The following ALDH5A1 variants were observed in gnomAD, a reference collection of about 807,000 sequenced individuals.
ALDH5A1 encodes the protein succinate-semialdehyde dehydrogenase, mitochondrial.
A neutral mutation model predicts 54.7 loss-of-function variants in ALDH5A1; 33 were observed. The ratio of observed to expected loss-of-function variants is 0.60; its 90% CI spans 0.46 to 0.81. The LOEUF is 0.81. ALDH5A1 is among the 30% of genes least tolerant of loss of function. ALDH5A1 has a pLI of 0.00. For synonymous variants in ALDH5A1, 294 were observed against 292.7 expected (o/e 1.00, Z -0.05); for missense variants, 657 against 711.0 (o/e 0.92, Z 0.86).
intron 1 of ALDH5A1, 68 bp downstream of exon 1, chr6:24,495,418 C>T (rs1764679209): frequency 2.1e-6 from 3 of 1,452,804 alleles, no homozygotes; most frequent in Non-Finnish European, 2.8e-6. Context: ...GGGGGCTTTA[C>T]CCCAAAGTGA....
intron 1 of ALDH5A1, among the ~76,000 whole-genome samples, chr6:24,499,940 C>T (rs9358769): frequency 0.84 from 127,360 of 151,978 alleles, 54,083 homozygotes; most frequent in Non-Finnish European, 0.92. Flanking sequence ...ATTACAGGCA[C>T]GAGCCACTGC....
chr6:24,496,357 C>T (rs1764704673), intron 1 of ALDH5A1, among the ~76,000 whole-genome samples: 1 of 152,028 alleles, frequency 6.6e-6, no homozygotes, highest in Non-Finnish European at 1.5e-5. Flanking sequence ...ATGCTGAGTG[C>T]AATATGGAAA....
chr6:24,501,578 T>C (rs1033947706), intron 1 of ALDH5A1, among the ~76,000 whole-genome samples: 2 of 147,434 alleles, frequency 1.4e-5, no homozygotes, highest in Admixed American at 1.3e-4. Flanking sequence ...CGTGATGATG[T>C]GTGCCTGTGG....
intron 7 of ALDH5A1, among the ~76,000 whole-genome samples, chr6:24,526,241 A>C (rs1271187187): frequency 6.6e-6 from 1 of 152,178 alleles, no homozygotes; most frequent in African/African-American, 2.4e-5. Flanking sequence ...CTTCATTCAG[A>C]AAGATGAACA....
intron 1 of ALDH5A1, among the ~76,000 whole-genome samples, chr6:24,501,517 C>T (rs1207926297): frequency 6.6e-6 from 1 of 152,130 alleles, no homozygotes; most frequent in Non-Finnish European, 1.5e-5. Flanking sequence ...GCCTGAGTCA[C>T]ATTCTGCTTA....
chr6:24,501,547 G>A (rs954015672), intron 1 of ALDH5A1, among the ~76,000 whole-genome samples: 1 of 151,996 alleles, frequency 6.6e-6, no homozygotes, highest in Non-Finnish European at 1.5e-5. Flanking sequence ...CAGACACAGA[G>A]GAGTTAAAAA....
chr6:24,513,074 CT>C (rs1245646982), intron 4 of ALDH5A1, among the ~76,000 whole-genome samples: 1 of 103,356 alleles, frequency 9.7e-6, no homozygotes, highest in Non-Finnish European at 2.1e-5. Flanking sequence ...ATTATTTTTT[CT>C]ATTTTTTTCT....
At chr6:24,532,287 G>T in intron 9 of ALDH5A1, 110 bp downstream of exon 9, 1 of 1,107,562 alleles carries the variant, frequency 9.0e-7, no homozygotes, top group Non-Finnish European at 1.4e-6. Context: ...CTTCAATGAG[G>T]TATGTGTTTT....
intron 4 of ALDH5A1, among the ~76,000 whole-genome samples, chr6:24,507,939 T>G (rs550107141): frequency 2.0e-5 from 3 of 152,266 alleles, no homozygotes; most frequent in African/African-American, 7.2e-5. Flanking sequence ...GCCCCCTTCC[T>G]ACCCTTTCTC....
In ALDH5A1 at chr6:24,495,135, T is replaced by G; in HGVS notation, c.139T>G (p.Tyr47Asp). ...GCCCGGCCCGGCCCAGCTCCGCTGC[T>G]ACGCTGGGCGCCTGGCGGGCCTCTC... ...PAPGPAQLRC[Y>D]AGRLAGLSAA... Residue 47 changes from tyrosine to aspartate, a missense_variant, in exon 1 of 10, where the codon TAC (tyrosine) becomes GAC (aspartate). Tyr to Asp is a radical substitution (Grantham distance 160). This residue lies in a region of ALDH5A1 where 232 missense variants were observed against 194.6 expected (regional missense o/e 1.19). Coordinates refer to ENST00000357578, the MANE Select transcript of ALDH5A1 (RefSeq NM_001080.3). 1.4e-6 allele frequency: 2 copies of G among 1,404,542 alleles called. No individual in the cohort carries two copies. Among genetic ancestry groups the G allele is most frequent in the Non-Finnish European group, 1.8e-6 (2 of 1,086,698 alleles). 87.0% of individuals were successfully genotyped at this position (1,404,542 alleles called of 1,614,324 possible).
Position 24,515,178 on chromosome 6 carries a change from G to A in ALDH5A1, c.738G>A (p.Gln246=), listed in dbSNP as rs372881980. The A allele has an allele frequency of 1.1e-5, 18 of 1,606,216 alleles. No homozygotes were observed. In the African/African-American group the frequency reaches 2.3e-4, roughly 21 times the overall value. Residue 246 remains glutamine, a synonymous_variant, in exon 5 of 10, where the codon CAG becomes CAA. Transcript: ENST00000357578. ...GTTTCTCTTTATAGCTTGCAAGCCA[G>A]GCTGGGATTCCTTCAGGTGTATACA... The part of the protein sequence containing the change: ...SALALAELAS[Q]AGIPSGVYNV...
At position 24,528,143 on chromosome 6, in the gene ALDH5A1, C is replaced by G. The variant is rs771829991; in HGVS notation, c.1320C>G (p.Phe440Leu). The stretch of plus-strand genomic sequence containing the variant: ...TGCTGTGCACTCATGAAGAGACTTT[C>G]GGGCCTCTGGCACCAGTTATCAAGT... ...QDMLCTHEET[F>L]GPLAPVIKFD... Residue 440 changes from phenylalanine to leucine, a missense_variant, in exon 8 of 10, where the codon TTC becomes TTG. By Grantham distance (22) the Phe-to-Leu change is conservative. Around this residue, in one of 2 missense-constraint regions of ALDH5A1, gnomAD observed 425 missense variants for 516.4 expected, o/e 0.82. Transcript: ENST00000357578. 6.2e-7 allele frequency: 1 copy of G among 1,613,834 alleles called. No homozygotes were observed. Among genetic ancestry groups the G allele is most frequent in the South Asian group, 1.1e-5 (1 of 91,050 alleles).
intron 6 of ALDH5A1, among the ~76,000 whole-genome samples, chr6:24,522,434 A>G (rs1189152239): frequency 1.4e-5 from 2 of 140,956 alleles, no homozygotes; most frequent in Non-Finnish European, 3.2e-5. Flanking sequence ...AATAAAAGCC[A>G]TTTGAAAAAA....
chr6:24,524,937 C>T (rs982994540), intron 7 of ALDH5A1, among the ~76,000 whole-genome samples: 1 of 152,216 alleles, frequency 6.6e-6, no homozygotes, highest in African/African-American at 2.4e-5. Context: ...TGCAGCCAGT[C>T]TGGGAAACCA....
rs1203495030 is a variant in ALDH5A1 at position 24,534,882 on chromosome 6, TA to T, written c.*1172del. 1.3e-5 allele frequency: 2 copies of T among 152,250 alleles called. No individual in the cohort carries two copies. The highest frequency in any genetic ancestry group is 4.8e-5 in the African/African-American group (2 of 41,462). 9.4% of individuals were successfully genotyped at this position (152,250 alleles called of 1,614,324 possible). On this transcript the variant is annotated 3_prime_UTR_variant, in exon 10 of 10. Transcript: ENST00000357578. ...CAACCCAAAAGGGAAAGAATTTCTG[TA>T]ATTGCCAACCCACTTTGTAGAAGAG...
At chr6:24,496,694 G>A (rs147345696) in intron 1 of ALDH5A1, among the ~76,000 whole-genome samples, 133 of 152,286 alleles carry the variant, frequency 8.7e-4, no homozygotes, top group African/African-American at 3.1e-3. Context: ...TAAGCAGTTG[G>A]TTATATGAAT....
At chr6:24,521,857 ATTTTTTT>A (rs71542679) in intron 6 of ALDH5A1, among the ~76,000 whole-genome samples, 30,516 of 97,646 alleles carry the variant, frequency 0.31, 4,477 homozygotes, top group Non-Finnish European at 0.39. Flanking sequence ...TGTCTCTACA[ATTTTTTT>A]TTTTTTTTTT....
In ALDH5A1 at chr6:24,504,417, C is replaced by T. The variant is rs1759294467; in HGVS notation, c.610-452C>T. On this transcript the variant is annotated intron_variant, in intron 3 of 9. Coordinates refer to ENST00000357578, the MANE Select transcript of ALDH5A1 (RefSeq NM_001080.3). ...TTCAAAACCATTGCTAATACTTACT[C>T]CCATGGGCCTCAGGCCAAATCCAGC... Among the ~76,000 whole-genome samples the T allele has an allele frequency of 2.0e-5, 3 of 152,328 alleles. No homozygotes were observed. The South Asian group carries it at 6.2e-4, about 32-fold the overall frequency.
At chr6:24,495,569 C>G (rs1764684441) in intron 1 of ALDH5A1, among the ~76,000 whole-genome samples, 1 of 152,192 alleles carries the variant, frequency 6.6e-6, no homozygotes, top group Admixed American at 6.5e-5. Context: ...CCCCTGCCCT[C>G]AAGCCTCATC....
Sources: gnomAD v4.1 joint callset for allele counts (sites outside exome capture counted in the v4.1 genomes callset) on GRCh38, gnomAD v4.1.1 for gene constraint, gnomAD v4.1.1 regional missense constraint, MANE v1.5 for transcripts, NCBI Gene and HGNC (gene_info 2026-07-23, HGNC 2026-07-21) for gene names.